Variants in PDZRN4 observed in about 807,000 individuals in gnomAD.
The protein encoded by PDZRN4 is PDZ domain-containing RING finger protein 4.
In PDZRN4, 70 loss-of-function variants were observed where a neutral mutation model predicts 99.0. That is an observed-to-expected ratio of 0.71 (90% CI 0.58 to 0.86). PDZRN4 has a LOEUF of 0.86. Ranked by LOEUF, PDZRN4 falls within the 40% of genes least tolerant of loss-of-function variation. PDZRN4 has a pLI of 0.00. For synonymous variants in PDZRN4, 551 were observed against 501.6 expected, an observed-to-expected ratio of 1.10 and a Z score of -1.32; for missense variants, 1,474 against 1,331.2, an observed-to-expected ratio of 1.11 and a Z score of -1.67.
chr12:41,318,403 A>G (rs934310048), intron 3 of PDZRN4, among the ~76,000 whole-genome samples: 2 of 152,204 alleles, frequency 1.3e-5, no homozygotes, highest in Admixed American at 1.3e-4. Context: ...GAAATGATGC[A>G]TGCTTATTGT....
At chr12:41,443,418 C>CTA (rs1952698265) in intron 3 of PDZRN4, among the ~76,000 whole-genome samples, 1 of 152,088 alleles carries the variant, frequency 6.6e-6, no homozygotes, top group South Asian at 2.1e-4. Flanking sequence ...TCGCTAAATG[C>CTA]TAAAGTAAGA....
At chr12:41,422,087 G>T (rs1296020867) in intron 3 of PDZRN4, among the ~76,000 whole-genome samples, 2 of 152,042 alleles carry the variant, frequency 1.3e-5, no homozygotes, top group Non-Finnish European at 2.9e-5. Flanking sequence ...CATTATCTTG[G>T]TATTTCTTGA....
intron 3 of PDZRN4, among the ~76,000 whole-genome samples, chr12:41,479,323 A>G (rs1406709840): frequency 1.3e-5 from 2 of 152,214 alleles, no homozygotes; most frequent in Admixed American, 6.5e-5. Context: ...TCTACAGTCC[A>G]ATAGATCAGT....
intron 3 of PDZRN4, among the ~76,000 whole-genome samples, chr12:41,241,969 T>C (rs115565141): frequency 6.6e-6 from 1 of 152,206 alleles, no homozygotes; most frequent in Non-Finnish European, 1.5e-5. Context: ...GCAACAGCTA[T>C]GTTTCACTCT....
At chr12:41,411,731 C>A (rs1205298730) in intron 3 of PDZRN4, 3 of 152,290 alleles carry the variant, frequency 2.0e-5, no homozygotes, top group African/African-American at 4.8e-5. Context: ...TTCATTTAAA[C>A]CTAGTTAATT....
At chr12:41,467,963 A>G (rs1952944806) in intron 3 of PDZRN4, among the ~76,000 whole-genome samples, 1 of 152,208 alleles carries the variant, frequency 6.6e-6, no homozygotes, top group Non-Finnish European at 1.5e-5. Flanking sequence ...TGATAGTCTT[A>G]CATTCACTCA....
At chr12:41,506,783 A>G in intron 4 of PDZRN4, 71 bp downstream of exon 4, 2 of 1,511,892 alleles carry the variant, frequency 1.3e-6, no homozygotes, top group Non-Finnish European at 1.8e-6. Context: ...GTTGAAAAGA[A>G]GCAGTTCCAC....
intron 3 of PDZRN4, among the ~76,000 whole-genome samples, chr12:41,449,581 G>C (rs1204084222): frequency 4.6e-5 from 7 of 152,172 alleles, no homozygotes; most frequent in Admixed American, 3.3e-4. Flanking sequence ...ATGATGCAAA[G>C]AGCAATATTA....
rs766462553 is a variant in PDZRN4 at position 41,188,813 on chromosome 12, T to G, written c.358T>G (p.Ser120Ala). 2 of 1,342,490 alleles carry G rather than the reference T, an allele frequency of 1.5e-6. No individual in the cohort carries two copies. Among genetic ancestry groups the G allele is most frequent in the African/African-American group, 3.1e-5 (2 of 64,688 alleles). The allele number at this position is 1,342,490 out of a possible 1,614,324, so 83.2% of individuals were successfully genotyped here. Residue 120 changes from serine to alanine, a missense_variant, in exon 1 of 10, where the codon TCG (serine) becomes GCG (alanine). Physicochemically the swap from Ser to Ala is moderately conservative, Grantham distance 99. Transcript: ENST00000402685. ...GCTCCGCAGCCGCGGGGGCTGCGCTTCGGGGCTGGGCGGTGGTGAGGTGCC... is the reference window on the plus strand; with the variant it reads ...GCTCCGCAGCCGCGGGGGCTGCGCTGCGGGGCTGGGCGGTGGTGAGGTGCC... Reference protein sequence around the residue: ...RRLRSRGGCASGLGGGEVPAR... With the variant: ...RRLRSRGGCAAGLGGGEVPAR...
chr12:41,330,265 T>G (rs750781019), intron 3 of PDZRN4, among the ~76,000 whole-genome samples: 31 of 152,070 alleles, frequency 2.0e-4, no homozygotes, highest in Non-Finnish European at 4.1e-4. Flanking sequence ...TTGTCCTTGA[T>G]CAAACTTCTC....
intron 3 of PDZRN4, among the ~76,000 whole-genome samples, chr12:41,491,148 C>G (rs1037701421): frequency 6.6e-6 from 1 of 152,096 alleles, no homozygotes; most frequent in African/African-American, 2.4e-5. Flanking sequence ...ATATGTGAGT[C>G]CTCAGAGAAA....
chr12:41,258,425 A>C (rs1398131767), intron 3 of PDZRN4, among the ~76,000 whole-genome samples: 1 of 152,184 alleles, frequency 6.6e-6, no homozygotes, highest in East Asian at 1.9e-4. Flanking sequence ...GCTTTATTTT[A>C]CACATAATCT....
chr12:41,199,379 A>T (rs1446861060), intron 3 of PDZRN4, among the ~76,000 whole-genome samples: 1 of 152,212 alleles, frequency 6.6e-6, no homozygotes, highest in Non-Finnish European at 1.5e-5. Context: ...GAAAATGTAG[A>T]GAAAAGAGAA....
chr12:41,392,514 G>C (rs773963766), intron 3 of PDZRN4, among the ~76,000 whole-genome samples: 2 of 152,132 alleles, frequency 1.3e-5, no homozygotes, highest in African/African-American at 4.8e-5. Context: ...CATTGCACTA[G>C]AAGGCTCCAT....
chr12:41,259,885 A>T lies in PDZRN4; in HGVS notation c.843+65697A>T, dbSNP rs376594949. Among the ~76,000 whole-genome samples the T allele has an allele frequency of 2.6e-4, 39 of 152,260 alleles. No individual in the cohort carries two copies. In the East Asian group the frequency reaches 7.3e-3, roughly 29 times the overall value. On this transcript the variant is annotated intron_variant, in intron 3 of 9. Coordinates refer to ENST00000402685, the MANE Select transcript of PDZRN4 (RefSeq NM_001164595.2). ...TTATTTTGCAAGCAAATCTATAGAA[A>T]TCGAAGTGTCAGTTACAGATGTCTT...
At chr12:41,298,684 C>A (rs1951511387) in intron 3 of PDZRN4, among the ~76,000 whole-genome samples, 1 of 152,060 alleles carries the variant, frequency 6.6e-6, no homozygotes, top group Non-Finnish European at 1.5e-5. Flanking sequence ...TAAATTAGTT[C>A]TGATACCATT....
intron 3 of PDZRN4, among the ~76,000 whole-genome samples, chr12:41,417,802 A>C (rs1952456828): frequency 6.6e-6 from 1 of 152,220 alleles, no homozygotes; most frequent in Non-Finnish European, 1.5e-5. Context: ...AAGACTATAC[A>C]GTGTATGTTG....
At chr12:41,567,667 C>T (rs1032805902) in intron 8 of PDZRN4, 116 bp from the exon 9 acceptor site, 24 of 350,186 alleles carry the variant, frequency 6.9e-5, no homozygotes, top group South Asian at 1.8e-4. Context: ...GGCTGGTATT[C>T]TGAAGAGAAT....
intron 3 of PDZRN4, among the ~76,000 whole-genome samples, chr12:41,369,752 T>C (rs1353122766): frequency 6.6e-6 from 1 of 152,054 alleles, no homozygotes; most frequent in East Asian, 1.9e-4. Flanking sequence ...TTGCTCTTTA[T>C]AAAGTAGCAG....
Sources: allele counts gnomAD v4.1 joint callset (sites outside exome capture counted in the v4.1 genomes callset), GRCh38; gene constraint gnomAD v4.1.1; transcripts MANE v1.5; gene names NCBI Gene and HGNC (gene_info 2026-07-23, HGNC 2026-07-21).